The following DYSF variants were observed in gnomAD, a reference collection of about 807,000 sequenced individuals.
DYSF encodes the protein dystrophy-associated fer-1-like 1.
In DYSF, 212 loss-of-function variants were observed where a neutral mutation model predicts 274.9. That is an observed-to-expected ratio of 0.77 (90% CI 0.69 to 0.86). The LOEUF (loss-of-function observed/expected upper bound fraction) is 0.86. Among genes scored for constraint, DYSF ranks in the 40% least tolerant of loss-of-function variants. DYSF has a pLI of 0.00. For missense variants in DYSF, 2,666 were observed against 2,783.2 expected, an observed-to-expected ratio of 0.96 and a Z score of 0.95; for synonymous variants, 1,091 against 1,078.7, an observed-to-expected ratio of 1.01 and a Z score of -0.22.
intron 30 of DYSF, among the ~76,000 whole-genome samples, chr2:71,580,697 T>A (rs1432264429): frequency 6.6e-6 from 1 of 152,194 alleles, no homozygotes; most frequent in Non-Finnish European, 1.5e-5. Flanking sequence ...GTTCTATACC[T>A]GGCATTGTGC....
intron 22 of DYSF, 126 bp downstream of exon 22, chr2:71,556,197 G>T: frequency 1.3e-6 from 1 of 795,362 alleles, no homozygotes; most frequent in Non-Finnish European, 2.1e-6. Context: ...CAGCAGTCCA[G>T]CCCGTGCTGA....
At chr2:71,499,915 T>C (rs55857266) in intron 3 of DYSF, among the ~76,000 whole-genome samples, 371 of 152,222 alleles carry the variant, frequency 2.4e-3, no homozygotes, top group African/African-American at 7.9e-3. Flanking sequence ...CTGCACACAC[T>C]CATAGCTGGC....
chr2:71,539,337 G>A, intron 17 of DYSF, 98 bp downstream of exon 17: 1 of 1,125,612 alleles, frequency 8.9e-7, no homozygotes, highest in Non-Finnish European at 1.3e-6. Flanking sequence ...TTGCAGAAAA[G>A]GGGAGATTAT....
intron 32 of DYSF, among the ~76,000 whole-genome samples, chr2:71,595,082 A>G (rs1478150756): frequency 1.3e-5 from 2 of 152,074 alleles, no homozygotes; most frequent in Admixed American, 6.6e-5. Context: ...AATCTGGATG[A>G]CTCCCAGGAA....
intron 32 of DYSF, among the ~76,000 whole-genome samples, chr2:71,596,400 G>A (rs909371517): frequency 1.3e-5 from 2 of 152,234 alleles, no homozygotes. Flanking sequence ...AGGGAAGCAC[G>A]GGGCGGGGCG....
At chr2:71,682,370 G>A (rs1238562140) in intron 54 of DYSF, among the ~76,000 whole-genome samples, 160 bp from the exon 55 acceptor site, 1 of 152,086 alleles carries the variant, frequency 6.6e-6, no homozygotes, top group Non-Finnish European at 1.5e-5. Context: ...GGGGGAGAGG[G>A]AATGCAAGGT....
intron 43 of DYSF, among the ~76,000 whole-genome samples, chr2:71,658,082 G>A (rs11892563): frequency 0.1 from 15,198 of 152,206 alleles, 820 homozygotes; most frequent in South Asian, 0.17. Context: ...CAGCACCCAA[G>A]TCAACTTTTG....
chr2:71,548,801 G>T (rs993998850), intron 17 of DYSF, among the ~76,000 whole-genome samples: 1 of 145,708 alleles, frequency 6.9e-6, no homozygotes, highest in Non-Finnish European at 1.5e-5. Context: ...GGAGCCTTCA[G>T]GGGGGTGATC....
chr2:71,632,499 A>C (rs775528424), intron 41 of DYSF, among the ~76,000 whole-genome samples: 7 of 152,200 alleles, frequency 4.6e-5, no homozygotes, highest in Non-Finnish European at 8.8e-5. Flanking sequence ...ATGCTTCTGC[A>C]GTCTTGGGAA....
At chr2:71,598,026 TCCTC>T (rs1052573694) in intron 32 of DYSF, among the ~76,000 whole-genome samples, 2 of 152,204 alleles carry the variant, frequency 1.3e-5, no homozygotes, top group African/African-American at 4.8e-5. Flanking sequence ...TGCTTCCCCT[TCCTC>T]AAGGAAGCCA....
chr2:71,494,497 C>T (rs929001595), intron 3 of DYSF, among the ~76,000 whole-genome samples: 1 of 152,190 alleles, frequency 6.6e-6, no homozygotes, highest in African/African-American at 2.4e-5. Flanking sequence ...ACTTAGCATC[C>T]ATGGATGATC....
chr2:71,495,997 G>A (rs2084347761), intron 3 of DYSF, among the ~76,000 whole-genome samples: 1 of 151,758 alleles, frequency 6.6e-6, no homozygotes, highest in African/African-American at 2.4e-5. Flanking sequence ...GCCAGCTACC[G>A]TGATGCAGAG....
At chr2:71,483,338 C>G (rs1001122286) in intron 3 of DYSF, among the ~76,000 whole-genome samples, 1 of 152,228 alleles carries the variant, frequency 6.6e-6, no homozygotes, top group Non-Finnish European at 1.5e-5. Flanking sequence ...CAGCCGCTAA[C>G]AAGCATGAAT....
At chr2:71,469,137 CT>C (rs1316474313) in intron 1 of DYSF, among the ~76,000 whole-genome samples, 2 of 152,160 alleles carry the variant, frequency 1.3e-5, no homozygotes, top group African/African-American at 2.4e-5. Flanking sequence ...GGAACCGCAT[CT>C]TGGGAAAAAT....
At chr2:71,625,468 G>A (rs2094192450) in intron 41 of DYSF, among the ~76,000 whole-genome samples, 1 of 152,072 alleles carries the variant, frequency 6.6e-6, no homozygotes, top group African/African-American at 2.4e-5. Flanking sequence ...TGTGTCATTT[G>A]TTGGGTTTCC....
intron 51 of DYSF, among the ~76,000 whole-genome samples, chr2:71,673,557 G>A (rs967962949): frequency 2.6e-5 from 4 of 152,238 alleles, no homozygotes; most frequent in African/African-American, 4.8e-5. Flanking sequence ...TTACAGCAGC[G>A]TGCTGGGAGA....
At chr2:71,617,866 GT>G in intron 40 of DYSF, among the ~76,000 whole-genome samples, 1 of 80,100 alleles carries the variant, frequency 1.2e-5, no homozygotes, top group African/African-American at 3.8e-5. Context: ...GTGTGTGTGT[GT>G]GGTAGAGGTG....
rs753961032 is a variant in DYSF, at chr2:71,515,735, G to C, written c.872G>C (p.Ser291Thr). Residue 291 changes from serine to threonine, a missense_variant, in exon 8 of 56, where the codon AGC (serine) becomes ACC (threonine). Around this residue, in one of 3 missense-constraint regions of DYSF, gnomAD observed 794 missense variants for 777.1 expected, o/e 1.02. Coordinates refer to ENST00000410020, the MANE Select transcript of DYSF (RefSeq NM_001130987.2). Reference sequence around the variant, plus strand: ...CGGACGCGGATCCACAAGGGAAACAGCCCACTCTTCAATGAGGTGGGAGAC... The same window carrying C: ...CGGACGCGGATCCACAAGGGAAACACCCCACTCTTCAATGAGGTGGGAGAC... Reference protein sequence around the residue: ...TKRTRIHKGNSPLFNETLFFN... With the variant: ...TKRTRIHKGNTPLFNETLFFN... 6.2e-7 allele frequency: 1 copy of C among 1,614,046 alleles called. No homozygotes were observed. The highest frequency in any genetic ancestry group is 1.3e-5 in the African/African-American group (1 of 74,928).
intron 43 of DYSF, among the ~76,000 whole-genome samples, chr2:71,658,328 A>G (rs1018379341): frequency 2.6e-5 from 4 of 152,200 alleles, no homozygotes; most frequent in African/African-American, 4.8e-5. Flanking sequence ...GCCATTAAAC[A>G]AGTCTTTAGG....
Sources: gnomAD v4.1 joint callset for allele counts (sites outside exome capture counted in the v4.1 genomes callset) on GRCh38, gnomAD v4.1.1 for gene constraint, gnomAD v4.1.1 regional missense constraint, MANE v1.5 for transcripts, NCBI Gene and HGNC (gene_info 2026-07-23, HGNC 2026-07-21) for gene names.